Variants in NTRK1 observed in about 807,000 individuals in gnomAD.
NTRK1 encodes neurotrophic receptor tyrosine kinase 1.
NTRK1 carries 62 observed loss-of-function variants against 86.8 expected under a neutral mutation model. The ratio of observed to expected loss-of-function variants is 0.71; its 90% confidence interval spans 0.58 to 0.88. The LOEUF (loss-of-function observed/expected upper bound fraction) is 0.88. Ranked by LOEUF, NTRK1 falls within the 40% of genes least tolerant of loss-of-function variation. The pLI is 0.00. For missense variants in NTRK1, 967 were observed against 1,078.4 expected (o/e 0.90, Z 1.45); for synonymous variants, 469 against 456.6 (o/e 1.03, Z -0.35).
chr1:156,835,070 G>A (rs549684437), intron 1 of NTRK1, among the ~76,000 whole-genome samples: 274 of 152,310 alleles, frequency 1.8e-3, no homozygotes, highest in Middle Eastern at 3.4e-3. Context: ...CACAGGGTTG[G>A]GAGGGGAAGG....
intron 16 of NTRK1, among the ~76,000 whole-genome samples, chr1:156,880,841 C>T (rs1375022926): frequency 6.6e-6 from 1 of 152,232 alleles, no homozygotes; most frequent in Non-Finnish European, 1.5e-5. Context: ...GCTCCAGGCC[C>T]CTTCTCCAAT....
chr1:156,818,340 A>G (rs964169259), intron 1 of NTRK1, among the ~76,000 whole-genome samples: 5 of 152,206 alleles, frequency 3.3e-5, no homozygotes, highest in African/African-American at 1.2e-4. Flanking sequence ...AACATGCTCT[A>G]AATTTTTAAT....
At chr1:156,816,588 A>C in intron 1 of NTRK1, 1 of 1,432,364 alleles carries the variant, frequency 7.0e-7, no homozygotes, top group Non-Finnish European at 9.6e-7. Context: ...CTCATCCCTG[A>C]AGTGGGAGCT....
At chr1:156,845,887 C>A in intron 2 of NTRK1, 1 of 1,597,414 alleles carries the variant, frequency 6.3e-7, no homozygotes, top group South Asian at 1.1e-5. Flanking sequence ...CCTGCCGGGG[C>A]CCTGCGCCTC....
At chr1:156,866,878 G>A in intron 3 of NTRK1, 32 bp from the exon 4 acceptor site, 1 of 1,611,898 alleles carries the variant, frequency 6.2e-7, no homozygotes, top group Non-Finnish European at 8.5e-7. Context: ...GTCACTCAAG[G>A]GGTCTGTCTT....
chr1:156,815,945 C>T (rs1483165146), intron 1 of NTRK1: 6 of 1,600,070 alleles, frequency 3.7e-6, no homozygotes, highest in Non-Finnish European at 5.1e-6. Context: ...AGTCCTTCCC[C>T]ATGGGAGGGT....
intron 10 of NTRK1, 139 bp downstream of exon 10, chr1:156,874,765 G>T: frequency 4.2e-6 from 5 of 1,191,854 alleles, no homozygotes; most frequent in Non-Finnish European, 6.2e-6. Flanking sequence ...CACAGCCACT[G>T]CAGGGGTCCC....
Position 156,860,939 on chromosome 1 carries a change from T to A in NTRK1, c.5T>A (p.Leu2Gln). 6.7e-7 allele frequency: 1 copy of A among 1,487,430 alleles called. No homozygotes were observed. Among genetic ancestry groups the A allele is most frequent in the Non-Finnish European group, 8.9e-7 (1 of 1,127,516 alleles). The allele number at this position is 1,487,430 out of a possible 1,614,324, so 92.1% of individuals were successfully genotyped here. A position where few individuals can be genotyped will look rare whatever the true frequency, so the allele number is the denominator to read the frequency against. Residue 2 changes from leucine (L) to glutamine (Q), a missense_variant, in exon 1 of 17, where the codon CTG becomes CAG. Leu to Gln is a moderately radical substitution (Grantham distance 113). Transcript: ENST00000524377. Reference sequence around the variant, plus strand: ...AGCGAGGCGGGCGCCGCCGCGATGCTGCGAGGCGGACGGCGCGGGCAGCTT... The same window carrying A: ...AGCGAGGCGGGCGCCGCCGCGATGCAGCGAGGCGGACGGCGCGGGCAGCTT... Reference protein sequence around the residue: MLRGGRRGQLGW... With the variant: MQRGGRRGQLGW...
rs766309294 is a variant in NTRK1 at position 156,868,492 on chromosome 1, C to T, written c.575-13C>T. On this transcript the variant is annotated splice_polypyrimidine_tract_variant and intron_variant, in intron 5 of 16. Coordinates refer to ENST00000524377, the MANE Select transcript of NTRK1 (RefSeq NM_002529.4). ...CTAACACCCCTTGGCCCTCGGGCGT[C>T]CTGGGTGGCCAGGTGTGCCCACGCT... is the stretch of plus-strand genomic sequence containing the variant. 3.9e-6 allele frequency: 6 copies of T among 1,555,204 alleles called. No homozygotes were observed. Among genetic ancestry groups the T allele is most frequent in the African/African-American group, 2.7e-5 (2 of 73,298 alleles).
At chr1:156,842,651 T>C (rs1654842836) in intron 2 of NTRK1, 4 of 649,834 alleles carry the variant, frequency 6.2e-6, no homozygotes, top group Non-Finnish European at 1.1e-5. Context: ...ACTCCTGACC[T>C]AACAATGACC....
chr1:156,859,982 T>A (rs762045057), upstream of NTRK1, among the ~76,000 whole-genome samples: 3 of 152,188 alleles, frequency 2.0e-5, no homozygotes, highest in Non-Finnish European at 4.4e-5. The surrounding 1 kb of genome is among the most constrained non-coding windows in gnomAD (Gnocchi z 6.2). Flanking sequence ...GCCTCCAAGG[T>A]GCGCGGTCCT....
In NTRK1 at chr1:156,868,098, C is replaced by T. The variant is rs1215978059; in HGVS notation, c.429-6C>T. 6.2e-7 allele frequency: 1 copy of T among 1,613,852 alleles called. No homozygotes were observed. Among genetic ancestry groups the T allele is most frequent in the South Asian group, 1.1e-5 (1 of 91,086 alleles). ...TGACTCTGTTGGTGTCCCCCATGCC[C>T]CCCAGGGTCCTGTCGGGGAACCCTC... On this transcript the variant is annotated splice_region_variant and splice_polypyrimidine_tract_variant and intron_variant, in intron 4 of 16. Transcript: ENST00000524377.
intron 1 of NTRK1, chr1:156,841,476 G>T (rs1571654887): frequency 6.2e-7 from 1 of 1,614,006 alleles, no homozygotes; most frequent in Non-Finnish European, 8.5e-7. Context: ...GACAGGCCCT[G>T]GTAGGGTTGT....
chr1:156,822,368 G>C (rs1389730747), intron 1 of NTRK1, among the ~76,000 whole-genome samples: 1 of 151,844 alleles, frequency 6.6e-6, no homozygotes. Context: ...GAACAGCCTG[G>C]GTAATAAAGC....
intron 14 of NTRK1, among the ~76,000 whole-genome samples, chr1:156,877,992 A>G (rs1423337124): frequency 6.6e-6 from 1 of 152,226 alleles, no homozygotes; most frequent in Admixed American, 6.5e-5. Context: ...CAGACATGGC[A>G]TAGGCTCAGT....
chr1:156,874,458 C>T (rs1647768027), intron 9 of NTRK1, 58 bp downstream of exon 9: 2 of 1,613,472 alleles, frequency 1.2e-6, no homozygotes, highest in Non-Finnish European at 1.7e-6. Context: ...GAGGCTGGGG[C>T]AGAGGGTACA....
chr1:156,828,076 G>T (rs947165999), intron 1 of NTRK1, among the ~76,000 whole-genome samples: 3 of 152,148 alleles, frequency 2.0e-5, no homozygotes, highest in Non-Finnish European at 2.9e-5. Flanking sequence ...GGCTCCCAAA[G>T]TGTTGGGATT....
At chr1:156,846,868 G>T in intron 2 of NTRK1, 2 of 870,342 alleles carry the variant, frequency 2.3e-6, no homozygotes, top group Middle Eastern at 3.3e-4. Flanking sequence ...ATGCATGAGG[G>T]CAAAGCCATG....
At chr1:156,855,302 C>T (rs1655372816) in intron 2 of NTRK1, among the ~76,000 whole-genome samples, 1 of 152,104 alleles carries the variant, frequency 6.6e-6, no homozygotes, top group African/African-American at 2.4e-5. Flanking sequence ...CTCCTGAGTT[C>T]AAGTGATTCT....
Sources: allele counts gnomAD v4.1 joint callset (sites outside exome capture counted in the v4.1 genomes callset), GRCh38; gene constraint gnomAD v4.1.1; non-coding constraint Gnocchi (gnomAD v3.1); transcripts MANE v1.5; gene names NCBI Gene and HGNC (gene_info 2026-07-23, HGNC 2026-07-21).